The following DLGAP2 variants were observed in gnomAD, a reference collection of about 807,000 sequenced individuals.
The protein encoded by DLGAP2 is disks large-associated protein 2.
A neutral mutation model predicts 100.3 loss-of-function variants in DLGAP2; 26 were observed. The ratio of observed to expected loss-of-function variants is 0.26; its 90% confidence interval spans 0.19 to 0.36. The LOEUF (loss-of-function observed/expected upper bound fraction) is 0.36, where lower values mean the gene tolerates loss of function less well. Among genes scored for constraint, DLGAP2 ranks in the 10% least tolerant of loss-of-function variants. DLGAP2 has a pLI of 1.00. For synonymous variants in DLGAP2, 886 were observed against 630.1 expected (o/e 1.41, Z -6.08); for missense variants, 1,858 against 1,453.2 (o/e 1.28, Z -4.53).
chr8:1,013,547 G>A (rs958817353), intron 2 of DLGAP2, among the ~76,000 whole-genome samples: 2 of 152,190 alleles, frequency 1.3e-5, no homozygotes, highest in African/African-American at 2.4e-5. Flanking sequence ...TGTTGCCGCA[G>A]AGGTCTCCAG....
At chr8:930,230 C>T (rs538811989) in intron 2 of DLGAP2, among the ~76,000 whole-genome samples, 7 of 152,302 alleles carry the variant, frequency 4.6e-5, no homozygotes, top group South Asian at 2.1e-4. Flanking sequence ...AAAGGCAAGA[C>T]GTGGAATCCA....
At chr8:1,540,508 C>T (rs928232845) in intron 4 of DLGAP2, among the ~76,000 whole-genome samples, 1 of 152,204 alleles carries the variant, frequency 6.6e-6, no homozygotes. Flanking sequence ...CTCTCCAATT[C>T]TGTAATTCTA....
At chr8:765,104 C>T (rs1397541385) in intron 1 of DLGAP2, among the ~76,000 whole-genome samples, 8 of 152,156 alleles carry the variant, frequency 5.3e-5, no homozygotes, top group Admixed American at 2.0e-4. Context: ...GGAAATGGGG[C>T]AGCTACAGTG....
intron 3 of DLGAP2, among the ~76,000 whole-genome samples, chr8:1,470,503 T>C (rs1382647084): frequency 2.6e-5 from 4 of 152,108 alleles, no homozygotes; most frequent in Admixed American, 6.5e-5. Context: ...TTTCACAGAA[T>C]CGTTTAAATA....
chr8:1,119,968 G>A (rs1163394684), intron 2 of DLGAP2, among the ~76,000 whole-genome samples: 1 of 152,232 alleles, frequency 6.6e-6, no homozygotes, highest in East Asian at 1.9e-4. Context: ...AAATGGCTAA[G>A]ATGAAAAGTG....
intron 3 of DLGAP2, among the ~76,000 whole-genome samples, chr8:1,495,291 G>A (rs187198409): frequency 2.6e-5 from 4 of 152,204 alleles, no homozygotes; most frequent in Non-Finnish European, 5.9e-5. Context: ...GCCAGGGCTG[G>A]CTCAGATGCC....
chr8:1,495,329 C>T (rs1480247090), intron 3 of DLGAP2, among the ~76,000 whole-genome samples: 6 of 152,204 alleles, frequency 3.9e-5, no homozygotes, highest in African/African-American at 1.4e-4. Context: ...GCATTGTCTC[C>T]ACTTCCAGGA....
intron 3 of DLGAP2, among the ~76,000 whole-genome samples, chr8:1,388,828 C>T (rs1195370015): frequency 8.8e-4 from 105 of 118,724 alleles, no homozygotes; most frequent in African/African-American, 3.2e-3. Flanking sequence ...GATGAGGAGG[C>T]GCTGGTTCAG....
At chr8:917,647 C>A (rs1156954833) in intron 2 of DLGAP2, among the ~76,000 whole-genome samples, 1 of 152,182 alleles carries the variant, frequency 6.6e-6, no homozygotes, top group Non-Finnish European at 1.5e-5. Context: ...GTGGTGCGAT[C>A]TCAGCTCATT....
chr8:1,040,821 C>T (rs573561582), intron 2 of DLGAP2, among the ~76,000 whole-genome samples: 1 of 152,260 alleles, frequency 6.6e-6, no homozygotes, highest in Admixed American at 6.5e-5. Flanking sequence ...GTGGCCCCTT[C>T]CTGGTGGGAG....
chr8:875,760 T>A (rs993701161), intron 1 of DLGAP2, among the ~76,000 whole-genome samples: 1 of 152,262 alleles, frequency 6.6e-6, no homozygotes, highest in Non-Finnish European at 1.5e-5. Flanking sequence ...TGTAGCATTT[T>A]AAGTTACTTA....
intron 3 of DLGAP2, among the ~76,000 whole-genome samples, chr8:1,455,763 C>T (rs1798295049): frequency 1.3e-5 from 2 of 152,246 alleles, no homozygotes; most frequent in Non-Finnish European, 2.9e-5. Context: ...ACCCTCACCC[C>T]AGCTGCATCA....
chr8:790,966 C>A (rs1304863015), intron 1 of DLGAP2, among the ~76,000 whole-genome samples: 1 of 152,116 alleles, frequency 6.6e-6, no homozygotes, highest in African/African-American at 2.4e-5. Flanking sequence ...TGGTCTAGAA[C>A]CCCTGACTTC....
intron 1 of DLGAP2, among the ~76,000 whole-genome samples, chr8:796,083 G>C (rs1360984286): frequency 6.6e-6 from 1 of 151,210 alleles, no homozygotes; most frequent in African/African-American, 2.4e-5. Flanking sequence ...GGCGTCCAGT[G>C]AGAGCAGGCG....
intron 3 of DLGAP2, among the ~76,000 whole-genome samples, chr8:1,337,587 A>C (rs534882881): frequency 4.3e-5 from 1 of 23,196 alleles, no homozygotes; most frequent in Non-Finnish European, 1.2e-4. Context: ...GGAAGATGGC[A>C]TGCTTGGGTT....
At chr8:746,954 AACCTTACTGTGAGTTCTCGGGAAG>A (rs1820631660) in intron 1 of DLGAP2, among the ~76,000 whole-genome samples, 1 of 152,138 alleles carries the variant, frequency 6.6e-6, no homozygotes, top group African/African-American at 2.4e-5. Flanking sequence ...GCAGTAAGGA[AACCTTACTGTGAGTTCTCGGGAAG>A]ACCTCCCCTC....
chr8:999,158 T>A (rs56398152), intron 2 of DLGAP2, among the ~76,000 whole-genome samples: 158 of 152,156 alleles, frequency 1.0e-3, no homozygotes, highest in Non-Finnish European at 1.8e-3. Context: ...AAGTTGAGAG[T>A]ACAGTTAGTG....
intron 2 of DLGAP2, among the ~76,000 whole-genome samples, chr8:1,068,254 C>T (rs1258348640): frequency 1.3e-5 from 2 of 152,190 alleles, no homozygotes; most frequent in African/African-American, 2.4e-5. Context: ...AATGAAGCTG[C>T]CATAAACATC....
At chr8:1,286,021 C>G (rs1032212023) in intron 3 of DLGAP2, among the ~76,000 whole-genome samples, 1 of 152,166 alleles carries the variant, frequency 6.6e-6, no homozygotes. Flanking sequence ...AATTCACCAA[C>G]TGATATGGTT....
Sources: gnomAD v4.1 joint callset for allele counts (sites outside exome capture counted in the v4.1 genomes callset) on GRCh38, gnomAD v4.1.1 for gene constraint, MANE v1.5 for transcripts, NCBI Gene and HGNC (gene_info 2026-07-23, HGNC 2026-07-21) for gene names.